Variants in CYB5D2 observed in about 807,000 individuals in gnomAD.
CYB5D2 encodes the protein neuferricin.
CYB5D2 carries 23 observed loss-of-function variants against 22.8 expected under a neutral mutation model. The ratio of observed to expected loss-of-function variants is 1.01; its 90% CI spans 0.73 to 1.43. CYB5D2 has a LOEUF of 1.43. CYB5D2 is among the 40% of genes most tolerant of loss of function. CYB5D2 has a pLI of 0.00. For synonymous variants in CYB5D2, 170 were observed against 152.2 expected, an observed-to-expected ratio of 1.12 and a Z score of -0.86; for missense variants, 373 against 357.2, an observed-to-expected ratio of 1.04 and a Z score of -0.36.
chr17:4,151,694 A>C (rs1175324776), intron 2 of CYB5D2, among the ~76,000 whole-genome samples: 1 of 151,772 alleles, frequency 6.6e-6, no homozygotes, highest in Non-Finnish European at 1.5e-5. Flanking sequence ...CTCAAAAAAA[A>C]AGAAAAAAAA....
At chr17:4,147,064 A>G (rs1344758483) in intron 1 of CYB5D2, among the ~76,000 whole-genome samples, 2 of 152,138 alleles carry the variant, frequency 1.3e-5, no homozygotes, top group African/African-American at 4.8e-5. Context: ...GTTTCTTTCT[A>G]CTTTTTTTGC....
At chr17:4,145,839 C>T (rs937591985) in intron 1 of CYB5D2, among the ~76,000 whole-genome samples, 2 of 152,200 alleles carry the variant, frequency 1.3e-5, no homozygotes, top group African/African-American at 4.8e-5. Flanking sequence ...GCCTCTGTCA[C>T]CCAGGCTGGC....
intron 2 of CYB5D2, among the ~76,000 whole-genome samples, chr17:4,151,725 T>G: frequency 6.9e-6 from 1 of 145,084 alleles, no homozygotes. Context: ...AAGAATGGAG[T>G]CCAGACCGGT....
At position 4,154,757 on chromosome 17, in the gene CYB5D2, T is replaced by C. The variant is rs1567891417; in HGVS notation, c.475T>C (p.Leu159=). The C allele has an allele frequency of 6.2e-7, 1 of 1,614,138 alleles. No individual in the cohort carries two copies. The highest frequency in any genetic ancestry group is 1.3e-5 in the African/African-American group (1 of 75,036). Residue 159 remains leucine (L), a synonymous_variant, in exon 3 of 4, where the codon TTG becomes CTG. Coordinates refer to ENST00000301391, the MANE Select transcript of CYB5D2 (RefSeq NM_144611.4). ...TQVEAAITRG[L]EANKLQLQEK... ...GGTAGAAGCTGCGATCACCAGAGGC[T>C]TGGAGGCCAACAAACTACAGCTGCA...
At chr17:4,150,071 G>A (rs764928105) in intron 2 of CYB5D2, 40 bp downstream of exon 2, 3 of 1,610,260 alleles carry the variant, frequency 1.9e-6, no homozygotes, top group Non-Finnish European at 2.5e-6. Context: ...TTGGTTGTCT[G>A]CAGTGTTTTT....
At chr17:4,152,279 T>C (rs1321505065) in intron 2 of CYB5D2, among the ~76,000 whole-genome samples, 2 of 152,196 alleles carry the variant, frequency 1.3e-5, no homozygotes, top group South Asian at 2.1e-4. Flanking sequence ...CAGGGATGAA[T>C]TGAGTCCAGT....
At chr17:4,150,219 C>A (rs1055198288) in intron 2 of CYB5D2, among the ~76,000 whole-genome samples, 188 bp downstream of exon 2, 1 of 152,172 alleles carries the variant, frequency 6.6e-6, no homozygotes, top group Non-Finnish European at 1.5e-5. Flanking sequence ...CTGCTTCCCC[C>A]ACTCTTAGTC....
Position 4,143,811 on chromosome 17 carries a change from C to A in CYB5D2, c.56C>A (p.Ala19Glu), listed in dbSNP as rs750462585. ...TTGGGCCTGGCTGTAGCCGCAGCAG[C>A]GGTAATGGCAGCACGGCTTATGGGC... ...LLLGLAVAAA[A>E]VMAARLMGWW... The change falls in exon 1 of 4, where the codon GCG (alanine) becomes GAG (glutamate). Residue 19 changes from alanine to glutamate, a missense_variant. Coordinates refer to ENST00000301391, the MANE Select transcript of CYB5D2 (RefSeq NM_144611.4). 2.5e-6 allele frequency: 4 copies of A among 1,614,118 alleles called. No homozygotes were observed. In the South Asian group the frequency reaches 4.4e-5, roughly 18 times the overall value.
At chr17:4,153,420 AG>A (rs1222261885) in intron 2 of CYB5D2, among the ~76,000 whole-genome samples, 2 of 152,220 alleles carry the variant, frequency 1.3e-5, no homozygotes, top group Admixed American at 6.5e-5. Flanking sequence ...GTAGCTTGTA[AG>A]AGGCTGAAGA....
rs201923584 is a variant in CYB5D2 at position 4,149,956 on chromosome 17, T to G, written c.316T>G (p.Ser106Ala). The G allele has an allele frequency of 7.4e-6, 12 of 1,614,166 alleles. No individual in the cohort carries two copies. In the African/African-American group the frequency reaches 1.5e-4, roughly 20 times the overall value. Residue 106 changes from serine (S) to alanine (A), a missense_variant, in exon 2 of 4, where the codon TCC becomes GCC. Transcript: ENST00000301391. Reference sequence around the variant, plus strand: ...TGAAGCAGGCCTCGTGGATGACGTATCCGACCTGTCAGCCGCTGAGATGCT... The same window carrying G: ...TGAAGCAGGCCTCGTGGATGACGTAGCCGACCTGTCAGCCGCTGAGATGCT... The part of the protein sequence containing the change: ...CSEAGLVDDV[S>A]DLSAAEMLTL...
intron 1 of CYB5D2, among the ~76,000 whole-genome samples, chr17:4,149,463 C>T (rs1423275391): frequency 6.6e-6 from 1 of 152,198 alleles, no homozygotes; most frequent in Admixed American, 6.5e-5. Context: ...GTGGGGACCC[C>T]ATTTCCCTGG....
intron 1 of CYB5D2, 136 bp from the exon 2 acceptor site, chr17:4,149,755 T>A: frequency 9.7e-7 from 1 of 1,032,204 alleles, no homozygotes; most frequent in African/African-American, 1.6e-5. Context: ...GCTGAAATCA[T>A]GCCACTGCAC....
At position 4,154,718 on chromosome 17, in the gene CYB5D2, C is replaced by T. The variant is rs1282405498; in HGVS notation, c.436C>T (p.Pro146Ser). The T allele has an allele frequency of 1.6e-5, 26 of 1,614,078 alleles. No homozygotes were observed. The highest frequency in any genetic ancestry group is 2.1e-5 in the Non-Finnish European group (25 of 1,180,048). The change falls in exon 3 of 4, where the codon CCG becomes TCG. Residue 146 changes from proline to serine, a missense_variant. Transcript: ENST00000301391. ...RFYGEDGLPT[P>S]ALTQVEAAIT... is the part of the protein sequence containing the mutation. ...CTACGGAGAGGATGGGCTGCCCACCCCGGCACTGACCCAGGTAGAAGCTGC... is the reference window on the plus strand; with the variant it reads ...CTACGGAGAGGATGGGCTGCCCACCTCGGCACTGACCCAGGTAGAAGCTGC...
chr17:4,146,255 G>A (rs1304795576), intron 1 of CYB5D2, among the ~76,000 whole-genome samples: 1 of 151,336 alleles, frequency 6.6e-6, no homozygotes, highest in Non-Finnish European at 1.5e-5. Flanking sequence ...CACCATGTCT[G>A]GCTAATTTTT....
chr17:4,156,143 C>T (rs968541885), intron 3 of CYB5D2, among the ~76,000 whole-genome samples: 1 of 152,264 alleles, frequency 6.6e-6, no homozygotes, highest in Non-Finnish European at 1.5e-5. Flanking sequence ...CGGAAGCTGT[C>T]TGAGGCGTCA....
At chr17:4,154,609 T>G (rs980858503) in intron 2 of CYB5D2, 65 bp from the exon 3 acceptor site, 56 of 1,546,928 alleles carry the variant, frequency 3.6e-5, no homozygotes, top group Non-Finnish European at 4.6e-5. Flanking sequence ...AACTTGTGCC[T>G]TCCCACACCT....
At chr17:4,151,517 G>A (rs2059057454) in intron 2 of CYB5D2, among the ~76,000 whole-genome samples, 1 of 151,888 alleles carries the variant, frequency 6.6e-6, no homozygotes, top group African/African-American at 2.4e-5. Context: ...GTGAAACCCT[G>A]TCTCTATTAA....
chr17:4,150,161 T>C, intron 2 of CYB5D2, 130 bp downstream of exon 2: 2 of 1,241,812 alleles, frequency 1.6e-6, no homozygotes. Context: ...CTTTAAATTC[T>C]GGTCGTTAGA....
In CYB5D2 at chr17:4,156,956, C is replaced by A. The variant is rs534144144; in HGVS notation, c.669C>A (p.Thr223=). The A allele has an allele frequency of 6.2e-7, 1 of 1,612,812 alleles. No individual in the cohort carries two copies. The highest frequency in any genetic ancestry group is 8.5e-7 in the Non-Finnish European group (1 of 1,180,026). ...CCCGCTGCGTGTGTGTGAGAACCAC[C>A]GGCCCCCCTAGTGGCCAGATGCCGG... ...KEPRCVCVRT[T]GPPSGQMPDN... Residue 223 remains threonine, a synonymous_variant, in exon 4 of 4, where the codon ACC becomes ACA. Coordinates refer to ENST00000301391, the MANE Select transcript of CYB5D2 (RefSeq NM_144611.4).
Sources: gnomAD v4.1 joint callset for allele counts (sites outside exome capture counted in the v4.1 genomes callset) on GRCh38, gnomAD v4.1.1 for gene constraint, MANE v1.5 for transcripts, NCBI Gene and HGNC (gene_info 2026-07-23, HGNC 2026-07-21) for gene names.